The following ATXN1 variants were observed in gnomAD, a reference collection of about 807,000 sequenced individuals.
ATXN1 encodes the protein ataxin 1.
Under a neutral mutation model 56.4 loss-of-function variants are expected in ATXN1, and 8 were observed. The observed-to-expected ratio is 0.14, with a 90% CI of 0.08 to 0.26. ATXN1 has a LOEUF of 0.26. ATXN1 is among the 10% of genes least tolerant of loss of function. The pLI is 1.00. For missense variants in ATXN1, 987 were observed against 1,106.5 expected, an observed-to-expected ratio of 0.89 and a Z score of 1.53; for synonymous variants, 514 against 494.6, an observed-to-expected ratio of 1.04 and a Z score of -0.52.
At chr6:16,633,106 A>G (rs1228246210) in intron 3 of ATXN1, among the ~76,000 whole-genome samples, 1 of 152,192 alleles carries the variant, frequency 6.6e-6, no homozygotes, top group African/African-American at 2.4e-5. Flanking sequence ...GAGAAACATA[A>G]ATACATTTGC....
At chr6:16,711,382 T>C (rs1177819296) in intron 2 of ATXN1, among the ~76,000 whole-genome samples, 1 of 151,956 alleles carries the variant, frequency 6.6e-6, no homozygotes, top group Non-Finnish European at 1.5e-5. Flanking sequence ...AAAAAGCATA[T>C]ATCTTAAAAA....
At chr6:16,430,086 GA>G (rs1230853345) in intron 6 of ATXN1, among the ~76,000 whole-genome samples, 1 of 151,916 alleles carries the variant, frequency 6.6e-6, no homozygotes, top group Non-Finnish European at 1.5e-5. Context: ...TAAATGTTAG[GA>G]AAAAAATTCT....
chr6:16,556,523 C>T (rs561356937), intron 4 of ATXN1, among the ~76,000 whole-genome samples: 15 of 152,142 alleles, frequency 9.9e-5, no homozygotes, highest in Admixed American at 8.5e-4. Flanking sequence ...TTTATCACTG[C>T]GGGAGAACTA....
chr6:16,518,144 G>C (rs2113691703), intron 5 of ATXN1, among the ~76,000 whole-genome samples: 1 of 152,270 alleles, frequency 6.6e-6, no homozygotes. Flanking sequence ...AAGAAGGCTT[G>C]AGTGAGCTGG....
At chr6:16,424,479 T>C (rs1370092565) in intron 6 of ATXN1, among the ~76,000 whole-genome samples, 4 of 152,206 alleles carry the variant, frequency 2.6e-5, no homozygotes, top group African/African-American at 9.7e-5. Context: ...TAATAGTATC[T>C]AGTTGATTTA....
intron 3 of ATXN1, among the ~76,000 whole-genome samples, chr6:16,597,403 G>A (rs1360521583): frequency 6.6e-6 from 1 of 151,866 alleles, no homozygotes; most frequent in Admixed American, 6.6e-5. Context: ...TCACATGGTT[G>A]AGAATACTGC....
intron 6 of ATXN1, among the ~76,000 whole-genome samples, chr6:16,439,588 T>C (rs1453679312): frequency 6.6e-5 from 10 of 152,162 alleles, no homozygotes; most frequent in Non-Finnish European, 8.8e-5. Flanking sequence ...GTATTAATTT[T>C]ATTTTCTACA....
chr6:16,744,937 T>G (rs1013090844), intron 2 of ATXN1, among the ~76,000 whole-genome samples: 1 of 152,218 alleles, frequency 6.6e-6, no homozygotes, highest in Non-Finnish European at 1.5e-5. Flanking sequence ...AATAGGACTT[T>G]TTAAATGGAT....
chr6:16,491,026 C>A (rs1760647833), intron 5 of ATXN1, among the ~76,000 whole-genome samples: 1 of 151,066 alleles, frequency 6.6e-6, no homozygotes, highest in Non-Finnish European at 1.5e-5. Context: ...GACAGAAAAT[C>A]TGAGTCCTGA....
intron 2 of ATXN1, among the ~76,000 whole-genome samples, chr6:16,701,519 C>T (rs541107031): frequency 3.3e-5 from 5 of 152,260 alleles, no homozygotes; most frequent in Admixed American, 3.3e-4. Context: ...AAAGAGTATT[C>T]AATTAGGAAA....
At chr6:16,642,344 G>C (rs985334642) in intron 3 of ATXN1, among the ~76,000 whole-genome samples, 3 of 152,160 alleles carry the variant, frequency 2.0e-5, no homozygotes, top group African/African-American at 7.2e-5. Context: ...GCAGTGAGCC[G>C]AGATCGCGCC....
chr6:16,463,134 C>T (rs192488784), intron 6 of ATXN1, among the ~76,000 whole-genome samples: 142 of 152,310 alleles, frequency 9.3e-4, no homozygotes, highest in Non-Finnish European at 5.9e-5. Flanking sequence ...CAGCCACTCA[C>T]CAGACTACCT....
At chr6:16,491,713 C>T (rs1176314459) in intron 5 of ATXN1, among the ~76,000 whole-genome samples, 3 of 152,178 alleles carry the variant, frequency 2.0e-5, no homozygotes, top group Non-Finnish European at 4.4e-5. Context: ...GGACAGTAAT[C>T]AAGGTTCTGC....
chr6:16,389,111 C>A (rs1758297257), intron 6 of ATXN1, among the ~76,000 whole-genome samples: 1 of 151,806 alleles, frequency 6.6e-6, no homozygotes, highest in South Asian at 2.1e-4. Flanking sequence ...CCAAGGCGGG[C>A]AGATCACGAG....
chr6:16,700,355 C>A (rs1395776396), intron 2 of ATXN1, among the ~76,000 whole-genome samples: 1 of 152,106 alleles, frequency 6.6e-6, no homozygotes, highest in African/African-American at 2.4e-5. Flanking sequence ...TGCCTCTGCC[C>A]CTGTTCTTAT....
At chr6:16,337,419 T>C (rs1182243271) in intron 6 of ATXN1, among the ~76,000 whole-genome samples, 3 of 152,214 alleles carry the variant, frequency 2.0e-5, no homozygotes, top group African/African-American at 7.2e-5. Context: ...GGCTGGGCCA[T>C]CCCTAGAAGC....
intron 6 of ATXN1, among the ~76,000 whole-genome samples, chr6:16,395,922 G>A (rs557475403): frequency 7.1e-4 from 100 of 140,632 alleles, no homozygotes; most frequent in African/African-American, 2.4e-3. Context: ...GGCTGAGGCA[G>A]AAGAATCACT....
In ATXN1 at chr6:16,415,218, T is replaced by C. The variant is rs1238492456; in HGVS notation, c.-161+70754A>G. Among the ~76,000 whole-genome samples, 4 of 152,086 alleles carry C rather than the reference T, an allele frequency of 2.6e-5. No homozygotes were observed. The East Asian group carries it at 5.8e-4, about 22-fold the overall frequency. ...TATTAGGCAGTGAAACAATAAGTGG[T>C]TTTTTTGTTTGTTTGTTTTTGGTTT... On this transcript the variant is annotated intron_variant, in intron 6 of 7. Transcript: ENST00000436367.
At chr6:16,668,638 G>A (rs1758479465) in intron 2 of ATXN1, among the ~76,000 whole-genome samples, 1 of 151,950 alleles carries the variant, frequency 6.6e-6, no homozygotes, top group African/African-American at 2.4e-5. Flanking sequence ...AATAAAGTAG[G>A]ATAGTATACT....
Sources: gnomAD v4.1 joint callset for allele counts (sites outside exome capture counted in the v4.1 genomes callset) on GRCh38, gnomAD v4.1.1 for gene constraint, MANE v1.5 for transcripts, NCBI Gene and HGNC (gene_info 2026-07-23, HGNC 2026-07-21) for gene names.